LIPG: variants seen among roughly 807,000 people sequenced by gnomAD.
LIPG encodes the protein lipase G, endothelial type.
Under a neutral mutation model 51.8 loss-of-function variants are expected in LIPG, and 34 were observed. The ratio of observed to expected loss-of-function variants is 0.66; its 90% CI spans 0.50 to 0.87. The LOEUF is 0.87. Among genes scored for constraint, LIPG ranks in the 40% least tolerant of loss-of-function variants. The pLI, the probability that LIPG is intolerant of heterozygous loss-of-function variation, is 0.00. For synonymous variants in LIPG, 246 were observed against 246.1 expected (o/e 1.00, Z 0.00); for missense variants, 580 against 652.7 (o/e 0.89, Z 1.21).
At position 49,598,546 on chromosome 18, in the gene LIPG, C is replaced by T. The variant is rs1474951477; in HGVS notation, c.*8024C>T. 6.5e-6 allele frequency: 1 copy of T among 152,718 alleles called. No homozygotes were observed. Among genetic ancestry groups the T allele is most frequent in the Non-Finnish European group, 1.5e-5 (1 of 68,356 alleles). 9.5% of individuals were successfully genotyped at this position (152,718 alleles called of 1,614,324 possible). On this transcript the variant is annotated 3_prime_UTR_variant, in exon 10 of 10. Coordinates refer to ENST00000261292, the MANE Select transcript of LIPG (RefSeq NM_006033.4). ...GACTTCCTCTTTCCTTCCCCTTCTCCCTGCTTCTTTCTCCTTCTCCTCTCC... is the reference window on the plus strand; with the variant it reads ...GACTTCCTCTTTCCTTCCCCTTCTCTCTGCTTCTTTCTCCTTCTCCTCTCC...
chr18:49,569,576 C>G, intron 4 of LIPG, 28 bp downstream of exon 4: 2 of 1,547,278 alleles, frequency 1.3e-6, no homozygotes, highest in South Asian at 2.2e-5. Context: ...CACTAAAGGG[C>G]TCCCTCAGCT....
At chr18:49,565,773 C>T (rs1301387366) in intron 2 of LIPG, among the ~76,000 whole-genome samples, 1 of 152,202 alleles carries the variant, frequency 6.6e-6, no homozygotes. Context: ...CTCTTAAGGA[C>T]CCCTCTAATT....
intron 5 of LIPG, among the ~76,000 whole-genome samples, chr18:49,578,880 CGCGTGCCT>C (rs1568532292): frequency 5.2e-5 from 7 of 133,536 alleles, no homozygotes; most frequent in African/African-American, 2.1e-4. Flanking sequence ...GGCGTGGTGG[CGCGTGCCT>C]GCAATCGCAG....
rs747751651 is a variant in LIPG, at chr18:49,586,759, A to G, written c.1390A>G (p.Thr464Ala). 1 of 1,613,702 alleles carries G rather than the reference A, an allele frequency of 6.2e-7. No individual in the cohort carries two copies. Reference protein sequence around the residue: ...GETQRKLTFCTEDPENTSISP... With the variant: ...GETQRKLTFCAEDPENTSISP... Reference sequence around the variant, plus strand: ...TTTCCCTCCTAGACTGACATTTTGTACAGAAGACCCTGAGAACACCAGCAT... The same window carrying G: ...TTTCCCTCCTAGACTGACATTTTGTGCAGAAGACCCTGAGAACACCAGCAT... Residue 464 changes from threonine to alanine, a missense_variant, in exon 9 of 10, where the codon ACA (threonine) becomes GCA (alanine). Transcript: ENST00000261292.
In LIPG at chr18:49,592,750, A is replaced by G. The variant is rs2084958149; in HGVS notation, c.*2228A>G. ...ACACCTGGCTTGAAGCCTTAATTGTATATAATGATGCTTTTTAAAAAATGC... is the reference window on the plus strand; with the variant it reads ...ACACCTGGCTTGAAGCCTTAATTGTGTATAATGATGCTTTTTAAAAAATGC... On this transcript the variant is annotated 3_prime_UTR_variant, in exon 10 of 10. Transcript: ENST00000261292. The G allele has an allele frequency of 6.6e-6, 1 of 152,120 alleles. No homozygotes were observed. The highest frequency in any genetic ancestry group is 6.6e-5 in the Admixed American group (1 of 15,266). The allele number at this position is 152,120 out of a possible 1,614,324, so 9.4% of individuals were successfully genotyped here.
At chr18:49,576,446 A>C in intron 5 of LIPG, among the ~76,000 whole-genome samples, 1 of 115,488 alleles carries the variant, frequency 8.7e-6, no homozygotes, top group Admixed American at 8.2e-5. Context: ...TTTTTAAAAG[A>C]CAGAATCTTG....
intron 8 of LIPG, among the ~76,000 whole-genome samples, chr18:49,585,372 C>T (rs1313306136): frequency 1.3e-5 from 2 of 152,216 alleles, no homozygotes; most frequent in East Asian, 1.9e-4. Context: ...CGCCTTAGTA[C>T]TTCTGTCTGT....
intron 3 of LIPG, among the ~76,000 whole-genome samples, chr18:49,567,939 G>C (rs1304971628): frequency 1.3e-5 from 2 of 152,148 alleles, no homozygotes; most frequent in Non-Finnish European, 2.9e-5. Flanking sequence ...ACCAGGCCAG[G>C]CTTGTGATCT....
intron 3 of LIPG, among the ~76,000 whole-genome samples, chr18:49,568,581 A>G (rs1422754903): frequency 2.7e-5 from 4 of 150,152 alleles, no homozygotes; most frequent in Non-Finnish European, 5.9e-5. Flanking sequence ...GGGTTTCACC[A>G]TGTTGGCCAG....
upstream of LIPG, chr18:49,561,890 G>C: frequency 7.8e-7 from 1 of 1,281,938 alleles, no homozygotes; most frequent in East Asian, 2.9e-5. Context: ...GCGTCCACGC[G>C]GTGAGTGTGC....
Position 49,565,471 on chromosome 18 carries a change from A to C in LIPG, c.252A>C (p.Lys84Asn), listed in dbSNP as rs1259403101. 1.2e-6 allele frequency: 2 copies of C among 1,614,116 alleles called. No individual in the cohort carries two copies. Among genetic ancestry groups the C allele is most frequent in the Non-Finnish European group, 1.7e-6 (2 of 1,180,048 alleles). Residue 84 changes from lysine (K) to asparagine (N), a missense_variant, in exon 2 of 10, where the codon AAA becomes AAC. Coordinates refer to ENST00000261292, the MANE Select transcript of LIPG (RefSeq NM_006033.4). The part of the protein sequence containing the change: ...LEDCSFNMTA[K>N]TFFIIHGWTM... ...ACTGCAGTTTCAACATGACAGCTAA[A>C]ACCTTTTTCATCATTCACGGATGGA...
At chr18:49,588,973 C>T (rs181810224) in intron 9 of LIPG, among the ~76,000 whole-genome samples, 1 of 152,134 alleles carries the variant, frequency 6.6e-6, no homozygotes, top group Non-Finnish European at 1.5e-5. Context: ...GGGTTGTTAG[C>T]CCTGTGTACA....
intron 4 of LIPG, among the ~76,000 whole-genome samples, chr18:49,572,975 C>T (rs1012395910): frequency 6.6e-6 from 1 of 152,172 alleles, no homozygotes; most frequent in African/African-American, 2.4e-5. Flanking sequence ...AAATGTGCCA[C>T]TGTACCCCTG....
rs1289180842 is a variant in LIPG at position 49,577,689 on chromosome 18, C to T, written c.793+2099C>T. ...CTCCCGGACGGCACGGCTGGCCAGG[C>T]GGGGGGCTGACCCCCCAACCTCCCT... is the stretch of plus-strand genomic sequence containing the variant. On this transcript the variant is annotated intron_variant, in intron 5 of 9. Transcript: ENST00000261292. 7.1e-4 allele frequency among the ~76,000 whole-genome samples: 63 copies of T among 88,952 alleles called. 1 individual carries two copies. Among genetic ancestry groups the T allele is most frequent in the African/African-American group, 1.2e-3 (24 of 19,756 alleles). The allele number at this position is 88,952 out of a possible 152,430, so 58.4% of individuals were successfully genotyped here. A position where few individuals can be genotyped will look rare whatever the true frequency, so the allele number is the denominator to read the frequency against.
chr18:49,562,302 G>A lies in LIPG; in HGVS notation c.-7G>A. The A allele has an allele frequency of 3.7e-6, 6 of 1,612,206 alleles. No homozygotes were observed. The highest frequency in any genetic ancestry group is 5.1e-6 in the Non-Finnish European group (6 of 1,179,870). ...CTGTTTCTTGGGAGGGGGTGTGGCGGGGCAGGATGAGCAACTCCGTTCCTC... is the reference window on the plus strand; with the variant it reads ...CTGTTTCTTGGGAGGGGGTGTGGCGAGGCAGGATGAGCAACTCCGTTCCTC... On this transcript the variant is annotated 5_prime_UTR_variant, in exon 1 of 10. Transcript: ENST00000261292.
chr18:49,585,212 G>A (rs968645311), intron 8 of LIPG, among the ~76,000 whole-genome samples: 1 of 152,246 alleles, frequency 6.6e-6, no homozygotes, highest in South Asian at 2.1e-4. Flanking sequence ...CAGGTGTGTT[G>A]CCACCATGCC....
chr18:49,561,627 C>A, upstream of LIPG: 1 of 1,203,748 alleles, frequency 8.3e-7, no homozygotes, highest in South Asian at 4.2e-5. Flanking sequence ...GACGGACTCC[C>A]GGCCCAGGGA....
chr18:49,572,822 G>C, intron 4 of LIPG, among the ~76,000 whole-genome samples: 1 of 152,252 alleles, frequency 6.6e-6, no homozygotes, highest in Non-Finnish European at 1.5e-5. Context: ...TTTTACATGT[G>C]TGCATGTGTG....
chr18:49,566,051 C>G (rs995754193), intron 2 of LIPG, among the ~76,000 whole-genome samples: 1 of 152,244 alleles, frequency 6.6e-6, no homozygotes, highest in African/African-American at 2.4e-5. Context: ...TGCTCAGCTT[C>G]AGAAGCTTTT....
Sources: allele counts gnomAD v4.1 joint callset (sites outside exome capture counted in the v4.1 genomes callset), GRCh38; gene constraint gnomAD v4.1.1; transcripts MANE v1.5; gene names NCBI Gene and HGNC (gene_info 2026-07-23, HGNC 2026-07-21).